Variants in DBN1 observed in about 807,000 individuals in gnomAD.
DBN1 encodes the protein drebrin.
In DBN1, 21 loss-of-function variants were observed where a neutral mutation model predicts 83.5. The observed-to-expected ratio is 0.25, with a 90% CI of 0.18 to 0.36. DBN1 has a LOEUF of 0.36. DBN1 is among the 10% of genes least tolerant of loss of function. The probability of loss-of-function intolerance (pLI) is 1.00; values close to 1 mark genes in which losing one functional copy is unlikely to be tolerated. For synonymous variants in DBN1, 381 were observed against 384.9 expected (o/e 0.99, Z 0.12); for missense variants, 874 against 935.7 (o/e 0.93, Z 0.86).
Position 177,467,218 on chromosome 5 carries a change from G to A in DBN1, c.555+37C>T, listed in dbSNP as rs754368370. ...CAGACCTGCCCCATGGGGTCCATGA[G>A]GGGTGGCTCAGCCAGGCCGGGCTCA... On this transcript the variant is annotated intron_variant, in intron 6 of 14. Transcript: ENST00000393565. This position sits in a 1 kb window ranked among gnomAD's most constrained non-coding sequence, Gnocchi z 9.1. 2.5e-6 allele frequency: 4 copies of A among 1,612,794 alleles called. No homozygotes were observed. The highest frequency in any genetic ancestry group is 1.7e-5 in the Admixed American group (1 of 60,010).
At chr5:177,465,192 C>T (rs1047711191) in intron 8 of DBN1, among the ~76,000 whole-genome samples, 2 of 152,172 alleles carry the variant, frequency 1.3e-5, no homozygotes, top group African/African-American at 2.4e-5. Context: ...AAAAACCTCA[C>T]TCTGAAAGGA....
chr5:177,459,335 T>G, intron 11 of DBN1, 67 bp from the exon 12 acceptor site: 1 of 1,566,404 alleles, frequency 6.4e-7, no homozygotes, highest in African/African-American at 1.4e-5. Flanking sequence ...TTGTCCACCT[T>G]GGGGCCTGGC....
chr5:177,472,160 G>A, intron 1 of DBN1: 1 of 1,613,420 alleles, frequency 6.2e-7, no homozygotes, highest in Non-Finnish European at 8.5e-7. Flanking sequence ...CATCCCTCCA[G>A]GCCTGGCTGC....
Position 177,457,559 on chromosome 5 carries a change from A to T in DBN1, c.2018-56T>A, listed in dbSNP as rs1756603302. ...GACCTAGCAGACCGCTTGTGTCCCCAGCCTCTGTGAGCGGTGGGTAGTGGT... is the reference window on the plus strand; with the variant it reads ...GACCTAGCAGACCGCTTGTGTCCCCTGCCTCTGTGAGCGGTGGGTAGTGGT... On this transcript the variant is annotated intron_variant, in intron 14 of 14. Coordinates refer to ENST00000393565, the MANE Select transcript of DBN1 (RefSeq NM_001363541.2). The T allele has an allele frequency of 6.3e-6, 10 of 1,577,600 alleles. No individual in the cohort carries two copies. The East Asian group carries it at 2.2e-4, about 35-fold the overall frequency.
rs1561686373 is a variant in DBN1 at position 177,467,444 on chromosome 5, CGCAG to C, written c.477+33_477+36del. ...CAGGCCAGACTCGGGCACCAGGCCA[CGCAG>C]GCAGAGCCCACGGGTGCCAAACACA... On this transcript the variant is annotated intron_variant, in intron 5 of 14. Transcript: ENST00000393565. The surrounding 1 kb of genome is among the most constrained non-coding windows in gnomAD (Gnocchi z 9.1). The C allele has an allele frequency of 6.2e-7, 1 of 1,609,968 alleles. No homozygotes were observed. Among genetic ancestry groups the C allele is most frequent in the Non-Finnish European group, 8.5e-7 (1 of 1,177,408 alleles).
rs200828333 is a variant in DBN1 at position 177,460,401 on chromosome 5, G to C, written c.955+31C>G. ...GCTCAGGGCCGCAACCTGAGGAGTG[G>C]GGCCGGACGGGGGGTGGGGCCTAGG... On this transcript the variant is annotated intron_variant, in intron 10 of 14. Coordinates refer to ENST00000393565, the MANE Select transcript of DBN1 (RefSeq NM_001363541.2). 2,864 of 1,612,482 alleles carry C rather than the reference G, an allele frequency of 1.8e-3. 3 individuals are homozygous for C. The highest frequency in any genetic ancestry group is 1.8e-3 in the Non-Finnish European group (2,078 of 1,179,774).
In DBN1 at chr5:177,458,217, C is replaced by A. The variant is rs557955439; in HGVS notation, c.1755G>T (p.Pro585=). The change falls in exon 13 of 15, where the codon CCG becomes CCT. Residue 585 remains proline, a synonymous_variant. Transcript: ENST00000393565. ...CCTCTGGGTCACAGAAGGTGGCTGG[C>A]GGCTCAGGCAGCTCATCAAAGTTGA... ...TLLNFDELPE[P]PATFCDPEEV... is the part of the protein sequence containing the mutation. 5 of 1,613,196 alleles carry A rather than the reference C, an allele frequency of 3.1e-6. No homozygotes were observed. The African/African-American group carries it at 5.3e-5, about 17-fold the overall frequency.
In DBN1 at chr5:177,467,950, G is replaced by A. The variant is rs544724000; in HGVS notation, c.256-133C>T. On this transcript the variant is annotated intron_variant, in intron 3 of 14. Coordinates refer to ENST00000393565, the MANE Select transcript of DBN1 (RefSeq NM_001363541.2). This position sits in a 1 kb window ranked among gnomAD's most constrained non-coding sequence, Gnocchi z 9.1. ...GTGTCAGAGGGCCGACGGGGAGGGCGACTGCTCTGGGCCTTCAGTTCCCTT... is the reference window on the plus strand; with the variant it reads ...GTGTCAGAGGGCCGACGGGGAGGGCAACTGCTCTGGGCCTTCAGTTCCCTT... 95 of 1,351,560 alleles carry A rather than the reference G, an allele frequency of 7.0e-5. No homozygotes were observed. In the South Asian group the frequency reaches 8.2e-4, roughly 12 times the overall value. The allele number at this position is 1,351,560 out of a possible 1,614,324, so 83.7% of individuals were successfully genotyped here. A position where few individuals can be genotyped will look rare whatever the true frequency, so the allele number is the denominator to read the frequency against.
Position 177,458,428 on chromosome 5 carries a change from G to A in DBN1, c.1544C>T (p.Pro515Leu), listed in dbSNP as rs755550391. Residue 515 changes from proline to leucine, a missense_variant, in exon 13 of 15, where the codon CCC (proline) becomes CTC (leucine). Around this residue, in one of 4 missense-constraint regions of DBN1, gnomAD observed 725 missense variants for 719.7 expected, o/e 1.01. Coordinates refer to ENST00000393565, the MANE Select transcript of DBN1 (RefSeq NM_001363541.2). ...TADTTVANNV[P>L]PAATSLIDLW... ...GTCAATGAGGCTGGTGGCGGCGGGGGGTACGTTGTTGGCAACAGTGGTGTC... is the reference window on the plus strand; with the variant it reads ...GTCAATGAGGCTGGTGGCGGCGGGGAGTACGTTGTTGGCAACAGTGGTGTC... 1.9e-5 allele frequency: 31 copies of A among 1,614,090 alleles called. No homozygotes were observed. In the Middle Eastern group the frequency reaches 8.2e-4, roughly 43 times the overall value.
At position 177,457,202 on chromosome 5, in the gene DBN1, G is replaced by A. The variant is rs1483645216; in HGVS notation, c.*231C>T. On this transcript the variant is annotated 3_prime_UTR_variant, in exon 15 of 15. Transcript: ENST00000393565. ...TTGCAACAGCGTCTCAACTACCAAC[G>A]AGAGGAAAGCCAGTCAACTGTACAA... The A allele has an allele frequency of 1.4e-5, 8 of 560,978 alleles. No homozygotes were observed. Among genetic ancestry groups the A allele is most frequent in the African/African-American group, 3.8e-5 (2 of 52,884 alleles). 34.8% of individuals were successfully genotyped at this position (560,978 alleles called of 1,614,324 possible). A position where few individuals can be genotyped will look rare whatever the true frequency, so the allele number is the denominator to read the frequency against.
chr5:177,457,543 G>A (rs1357258239), intron 14 of DBN1, 40 bp from the exon 15 acceptor site: 1 of 1,595,700 alleles, frequency 6.3e-7, no homozygotes, highest in Admixed American at 1.7e-5. Flanking sequence ...GGACCTAGCA[G>A]ACCGCTTGTG....
chr5:177,458,970 C>A (rs1359744394), intron 12 of DBN1, 128 bp downstream of exon 12: 2 of 1,463,960 alleles, frequency 1.4e-6, no homozygotes, highest in African/African-American at 2.8e-5. Context: ...CACACAGCCG[C>A]CTCCAGGGCA....
chr5:177,462,069 C>A (rs944543241), intron 8 of DBN1, among the ~76,000 whole-genome samples: 1 of 152,118 alleles, frequency 6.6e-6, no homozygotes, highest in Admixed American at 6.5e-5. Context: ...CACCCGCTCA[C>A]CCCCGGCCCC....
At chr5:177,472,273 G>A in intron 1 of DBN1, 4 of 1,606,460 alleles carry the variant, frequency 2.5e-6, no homozygotes, top group South Asian at 1.1e-5. Context: ...CCCAGTGTGC[G>A]GGTGAGGCCA....
chr5:177,458,554 G>A lies in DBN1; in HGVS notation c.1418C>T (p.Ala473Val), dbSNP rs1248621764. 1.9e-6 allele frequency: 3 copies of A among 1,614,026 alleles called. No homozygotes were observed. The highest frequency in any genetic ancestry group is 2.2e-5 in the South Asian group (2 of 91,088). The change falls in exon 13 of 15, where the codon GCA becomes GTA. Residue 473 changes from alanine (A) to valine (V), a missense_variant. By Grantham distance (64) the Ala-to-Val change is moderately conservative. This residue lies in a region of DBN1 where 725 missense variants were observed against 719.7 expected (regional missense o/e 1.01). Transcript: ENST00000393565. ...GGGAGCAGCCAGGACAGCCTGCTCT[G>A]CAGACTCCATGAACATCAAGTCCTC... ...PAEDLMFMES[A>V]EQAVLAAPVE...
intron 8 of DBN1, among the ~76,000 whole-genome samples, chr5:177,464,122 GATAA>G (rs1561682797): frequency 1.3e-5 from 2 of 149,722 alleles, no homozygotes; most frequent in Admixed American, 6.7e-5. Flanking sequence ...TCTTAAAAAA[GATAA>G]ATAAATAAAA....
chr5:177,460,409 C>CG (rs765492651), intron 10 of DBN1, 23 bp downstream of exon 10: 4 of 1,612,594 alleles, frequency 2.5e-6, no homozygotes, highest in East Asian at 4.5e-5. Flanking sequence ...TGGGGCCGGA[C>CG]GGGGGGTGGG....
chr5:177,466,923 ATCTGC>A lies in DBN1; in HGVS notation c.690_694del (p.Gln230HisfsTer28). The A allele has an allele frequency of 6.2e-7, 1 of 1,612,656 alleles. No individual in the cohort carries two copies. The highest frequency in any genetic ancestry group is 8.5e-7 in the Non-Finnish European group (1 of 1,179,682). The stretch of plus-strand genomic sequence containing the variant: ...CGGGCAGGCTCACCTGTGCTCCTCG[ATCTGC>A]TGCTCCCGCTCCCGGTAGCGCCGCT... On this transcript the variant is annotated frameshift_variant, in exon 7 of 15. Coordinates refer to ENST00000393565, the MANE Select transcript of DBN1 (RefSeq NM_001363541.2). LOFTEE classifies it high-confidence loss of function. This position sits in a 1 kb window ranked among gnomAD's most constrained non-coding sequence, Gnocchi z 4.8.
chr5:177,460,677 C>A lies in DBN1; in HGVS notation c.798G>T (p.Glu266Asp), dbSNP rs1283649200. ...IFGDHRDEEE[E>D]THMKKSESEV... ...CCGACTCTGACTTCTTCATGTGGGTCTCTTCCTCCTCATCCCGATGGTCAC... is the reference window on the plus strand; with the variant it reads ...CCGACTCTGACTTCTTCATGTGGGTATCTTCCTCCTCATCCCGATGGTCAC... Residue 266 changes from glutamate to aspartate, a missense_variant, in exon 9 of 15, where the codon GAG (glutamate) becomes GAT (aspartate). Transcript: ENST00000393565. 1 of 1,614,194 alleles carries A rather than the reference C, an allele frequency of 6.2e-7. No individual in the cohort carries two copies.
Sources: allele counts gnomAD v4.1 joint callset (sites outside exome capture counted in the v4.1 genomes callset), GRCh38; gene constraint gnomAD v4.1.1; regional missense constraint gnomAD v4.1.1; non-coding constraint Gnocchi (gnomAD v3.1); transcripts MANE v1.5; gene names NCBI Gene and HGNC (gene_info 2026-07-23, HGNC 2026-07-21).